The following FGF13 variants were observed in gnomAD, a reference collection of about 807,000 sequenced individuals.
FGF13 encodes the protein fibroblast growth factor homologous factor 2.
In FGF13, 2 loss-of-function variants were observed where a neutral mutation model predicts 19.5. The ratio of observed to expected loss-of-function variants is 0.10; its 90% CI spans 0.04 to 0.32. The LOEUF (loss-of-function observed/expected upper bound fraction) is 0.32, where lower values mean the gene tolerates loss of function less well. FGF13 is among the 10% of genes least tolerant of loss of function. The pLI, the probability that FGF13 is intolerant of heterozygous loss-of-function variation, is 1.00. For missense variants in FGF13, 113 were observed against 192.7 expected, an observed-to-expected ratio of 0.59 and a Z score of 2.45; for synonymous variants, 72 against 76.9, an observed-to-expected ratio of 0.94 and a Z score of 0.33.
intron 3 of FGF13, among the ~76,000 whole-genome samples, chrX:138,658,926 T>C (rs62602165): frequency 2.0e-3 from 220 of 111,978 alleles, no homozygotes; most frequent in Non-Finnish European, 3.6e-3. Context: ...ATACCTCAAA[T>C]TGAAAAACAT....
chrX:139,058,002 C>T (rs2092325055), intron 1 of FGF13, among the ~76,000 whole-genome samples: 2 of 111,697 alleles, frequency 1.8e-5, no homozygotes, highest in Admixed American at 1.9e-4. Flanking sequence ...GAGATATACA[C>T]TTAGGATCTG....
At chrX:138,868,491 A>G (rs750433051) in intron 1 of FGF13, among the ~76,000 whole-genome samples, 195 of 111,064 alleles carry the variant, frequency 1.8e-3, no homozygotes, top group African/African-American at 5.8e-3. Context: ...TGTCATAGTT[A>G]CTCATATAAA....
chrX:139,116,415 C>T (rs2083639877), intron 1 of FGF13, among the ~76,000 whole-genome samples: 1 of 111,259 alleles, frequency 9.0e-6, no homozygotes, highest in Non-Finnish European at 1.9e-5. Flanking sequence ...TCCCAAAGAC[C>T]AACTTGTTTT....
At chrX:138,892,575 G>A (rs985683348) in intron 1 of FGF13, among the ~76,000 whole-genome samples, 2 of 111,104 alleles carry the variant, frequency 1.8e-5, no homozygotes, top group African/African-American at 6.6e-5. Context: ...TGAAGCAGAG[G>A]AGGCAGAGTG....
chrX:138,723,324 A>C lies in FGF13; in HGVS notation c.29-14396T>G, dbSNP rs188419085. On this transcript the variant is annotated intron_variant, in intron 1 of 4. Transcript: ENST00000305414. ...GTATGAATTTCTTTAAGAAGTGGGA[A>C]TACTTCTCCTTTCCTCAGTTTTTTC... Among the ~76,000 whole-genome samples the C allele has an allele frequency of 2.7e-5, 3 of 112,052 alleles. No individual in the cohort carries two copies. The East Asian group carries it at 8.5e-4, about 32-fold the overall frequency.
At chrX:138,948,634 C>T (rs1233222087) in intron 1 of FGF13, among the ~76,000 whole-genome samples, 1 of 111,734 alleles carries the variant, frequency 8.9e-6, no homozygotes, top group Non-Finnish European at 1.9e-5. Flanking sequence ...GGCATTAAGA[C>T]AAAATCTACC....
At chrX:138,867,158 G>A (rs188144122) in intron 1 of FGF13, among the ~76,000 whole-genome samples, 21 of 111,422 alleles carry the variant, frequency 1.9e-4, no homozygotes, top group Admixed American at 1.7e-3. Flanking sequence ...TGGGTGCAAT[G>A]GCTCACACCT....
intron 1 of FGF13, among the ~76,000 whole-genome samples, chrX:138,918,829 C>T (rs1296423613): frequency 9.0e-6 from 1 of 111,626 alleles, no homozygotes; most frequent in Non-Finnish European, 1.9e-5. Flanking sequence ...TGAAGGATGA[C>T]CAAAAGTAGA....
intron 1 of FGF13, among the ~76,000 whole-genome samples, chrX:138,984,731 A>AG (rs2091986703): frequency 1.9e-5 from 2 of 103,398 alleles, no homozygotes; most frequent in African/African-American, 7.2e-5. Context: ...GAACAAGAAG[A>AG]AGAGAAGGAG....
rs41301509 is a variant in FGF13 at position 138,632,529 on chromosome X, T to C, written c.*321A>G. On this transcript the variant is annotated 3_prime_UTR_variant, in exon 5 of 5. Transcript: ENST00000315930. ...CATTTTCTTGGTGGGAGAGCAAATT[T>C]TGATCAGCATTAGTGCTGTGAAATA... 3,522 of 133,916 alleles carry C rather than the reference T, an allele frequency of 0.026. 58 individuals carry two copies. Among genetic ancestry groups the C allele is most frequent in the Non-Finnish European group, 0.038 (2,544 of 67,779 alleles). 11.0% of individuals were successfully genotyped at this position (133,916 alleles called of 1,213,427 possible). A position where few individuals can be genotyped will look rare whatever the true frequency, so the allele number is the denominator to read the frequency against.
At chrX:139,183,823 A>T (rs112472234) in intron 1 of FGF13, among the ~76,000 whole-genome samples, 1,562 of 111,908 alleles carry the variant, frequency 0.014, 25 homozygotes, top group African/African-American at 0.047. Context: ...CCTAACAGTA[A>T]TCCACAGCAA....
chrX:138,805,685 T>C (rs1374771720), intron 3 of FGF13, among the ~76,000 whole-genome samples: 3 of 112,210 alleles, frequency 2.7e-5, no homozygotes, highest in Non-Finnish European at 5.6e-5. Context: ...CTTCAAAAAA[T>C]TTTATTTTAT....
chrX:138,711,723 C>T (rs944595096), upstream of FGF13: 9 of 745,786 alleles, frequency 1.2e-5, no homozygotes, highest in African/African-American at 1.2e-4. Flanking sequence ...GCGACAGCCT[C>T]CTTGCAGCCC....
Position 138,623,057 on chromosome X carries a change from T to G in FGF13, c.*9793A>C, listed in dbSNP as rs764366282. The G allele has an allele frequency of 8.9e-6, 1 of 112,122 alleles. No homozygotes were observed. The highest frequency in any genetic ancestry group is 3.2e-5 in the African/African-American group (1 of 30,911). 9.2% of individuals were successfully genotyped at this position (112,122 alleles called of 1,213,427 possible). A position where few individuals can be genotyped will look rare whatever the true frequency, so the allele number is the denominator to read the frequency against. On this transcript the variant is annotated 3_prime_UTR_variant, in exon 5 of 5. Coordinates refer to ENST00000315930, the MANE Select transcript of FGF13 (RefSeq NM_004114.5). ...CAAATGGGATTGTGTTCTTTATTTT[T>G]TGGATAGTTCATTGTTCGTGTGAAG... is the stretch of plus-strand genomic sequence containing the variant.
intron 1 of FGF13, among the ~76,000 whole-genome samples, chrX:138,737,877 G>A (rs765399470): frequency 1.8e-5 from 2 of 112,180 alleles, no homozygotes; most frequent in Non-Finnish European, 3.8e-5. Flanking sequence ...AAACTCTAAC[G>A]GGTTTCTTAG....
chrX:138,899,820 C>T (rs191228860), intron 1 of FGF13, among the ~76,000 whole-genome samples: 11 of 67,183 alleles, frequency 1.6e-4, no homozygotes, highest in African/African-American at 5.9e-4. Flanking sequence ...TAGTTCCCAC[C>T]GCCCTCAAGA....
Position 138,635,439 on chromosome X carries a change from C to T in FGF13, c.601+18G>A. On this transcript the variant is annotated intron_variant, in intron 4 of 4. Transcript: ENST00000315930. ...TATTTAGTAGCATAATCCATAGTTC[C>T]CACAATATCAAATGTACCTTTCAGT... is the stretch of plus-strand genomic sequence containing the variant. The T allele has an allele frequency of 8.4e-7, 1 of 1,191,884 alleles. No individual in the cohort carries two copies. The highest frequency in any genetic ancestry group is 3.0e-5 in the East Asian group (1 of 33,755).
chrX:138,885,684 C>G (rs749989719), intron 1 of FGF13, among the ~76,000 whole-genome samples: 222 of 106,667 alleles, frequency 2.1e-3, no homozygotes, highest in Non-Finnish European at 3.3e-3. Context: ...TCATCTTCTC[C>G]ATGAGGGCTT....
At chrX:138,900,210 A>G (rs2091525076) in intron 1 of FGF13, among the ~76,000 whole-genome samples, 1 of 111,156 alleles carries the variant, frequency 9.0e-6, no homozygotes, top group Non-Finnish European at 1.9e-5. Flanking sequence ...TAAGCTGACC[A>G]TGTCACTTAC....
Sources: gnomAD v4.1 joint callset for allele counts (sites outside exome capture counted in the v4.1 genomes callset) on GRCh38, gnomAD v4.1.1 for gene constraint, MANE v1.5 for transcripts, NCBI Gene and HGNC (gene_info 2026-07-23, HGNC 2026-07-21) for gene names.